Variants in UBE4B observed in about 807,000 individuals in gnomAD.
The protein encoded by UBE4B is ubiquitin conjugation factor E4 B.
UBE4B carries 27 observed loss-of-function variants against 148.1 expected under a neutral mutation model. The observed-to-expected ratio is 0.18, with a 90% confidence interval of 0.13 to 0.25. UBE4B has a LOEUF of 0.25. UBE4B is among the 10% of genes least tolerant of loss of function. The pLI is 1.00. For synonymous variants in UBE4B, 596 were observed against 619.3 expected (o/e 0.96, Z 0.56); for missense variants, 1,170 against 1,662.4 (o/e 0.70, Z 5.15).
intron 3 of UBE4B, among the ~76,000 whole-genome samples, chr1:10,097,051 A>T (rs77208353): frequency 5.4e-5 from 8 of 149,092 alleles, no homozygotes; most frequent in African/African-American, 4.9e-5. Flanking sequence ...AAAAAAAAAA[A>T]AAATAATAAT....
At chr1:10,127,676 T>C (rs1251944385) in intron 11 of UBE4B, among the ~76,000 whole-genome samples, 1 of 152,238 alleles carries the variant, frequency 6.6e-6, no homozygotes, top group Non-Finnish European at 1.5e-5. Flanking sequence ...TATTTATTTC[T>C]TTTACTTATT....
At chr1:10,034,944 C>G (rs569965731) in intron 1 of UBE4B, among the ~76,000 whole-genome samples, 2 of 152,032 alleles carry the variant, frequency 1.3e-5, no homozygotes, top group Non-Finnish European at 2.9e-5. Context: ...TACACAGTTT[C>G]TTTCATTCGG....
At position 10,036,489 on chromosome 1, in the gene UBE4B, T is replaced by C. The variant is rs1167086525; in HGVS notation, c.24+2795T>C. On this transcript the variant is annotated intron_variant, in intron 1 of 27. Transcript: ENST00000343090. ...AGAACAAATAATATTCGTTTGTTTT[T>C]AATTTAAAAAATCTTTTTTTTTTTT... 1.2e-4 allele frequency among the ~76,000 whole-genome samples: 19 copies of C among 152,164 alleles called. No individual in the cohort carries two copies. The South Asian group carries it at 3.5e-3, about 28-fold the overall frequency.
Position 10,144,980 on chromosome 1 carries a change from G to A in UBE4B, c.2404G>A (p.Asp802Asn). ...DLKNNESQWK[D>N]SPLATRHREM... is the part of the protein sequence containing the mutation. ...GAAAAATAATGAAAGCCAATGGAAA[G>A]ATTCCCCACTGGCAACTAGACACCG... is the stretch of plus-strand genomic sequence containing the variant. Residue 802 changes from aspartate (D) to asparagine (N), a missense_variant, in exon 18 of 28, where the codon GAT (aspartate) becomes AAT (asparagine). Asp to Asn is a conservative substitution (Grantham distance 23, BLOSUM62 1). Transcript: ENST00000343090. The A allele has an allele frequency of 6.2e-7, 1 of 1,613,832 alleles. No homozygotes were observed. Among genetic ancestry groups the A allele is most frequent in the East Asian group, 2.2e-5 (1 of 44,866 alleles).
At chr1:10,085,403 C>A (rs1445026168) in intron 2 of UBE4B, among the ~76,000 whole-genome samples, 1 of 152,200 alleles carries the variant, frequency 6.6e-6, no homozygotes, top group Non-Finnish European at 1.5e-5. Context: ...TCCCGAGGCT[C>A]CCTGAATGTG....
At position 10,106,605 on chromosome 1, in the gene UBE4B, T is replaced by C; in HGVS notation, c.1196+22T>C. On this transcript the variant is annotated intron_variant, in intron 7 of 27. Coordinates refer to ENST00000343090, the MANE Select transcript of UBE4B (RefSeq NM_001105562.3). The surrounding 1 kb of genome is among the most constrained non-coding windows in gnomAD (Gnocchi z 4.2). The stretch of plus-strand genomic sequence containing the variant: ...CTAGGTATTTATCCCACAGGAGAGT[T>C]GCATGTGTGTTTGCGGTGCAGGGAA... 5 of 1,510,780 alleles carry C rather than the reference T, an allele frequency of 3.3e-6. No homozygotes were observed. Among genetic ancestry groups the C allele is most frequent in the Non-Finnish European group, 4.4e-6 (5 of 1,137,668 alleles). The allele number at this position is 1,510,780 out of a possible 1,614,324, so 93.6% of individuals were successfully genotyped here. A position where few individuals can be genotyped will look rare whatever the true frequency, so the allele number is the denominator to read the frequency against.
rs770532269 is a variant in UBE4B at position 10,158,491 on chromosome 1, G to T, written c.3053+9G>T. The T allele has an allele frequency of 6.2e-7, 1 of 1,610,512 alleles. No individual in the cohort carries two copies. The highest frequency in any genetic ancestry group is 1.7e-5 in the Admixed American group (1 of 59,140). On this transcript the variant is annotated intron_variant, in intron 22 of 27. Coordinates refer to ENST00000343090, the MANE Select transcript of UBE4B (RefSeq NM_001105562.3). ...TTTATGGAGGAGTTCAAGTGAGTAT[G>T]GGGCCCCTCGTGTCACAACTTGCTT... is the stretch of plus-strand genomic sequence containing the variant.
At chr1:10,144,246 C>A (rs894263108) in intron 17 of UBE4B, among the ~76,000 whole-genome samples, 1 of 152,022 alleles carries the variant, frequency 6.6e-6, no homozygotes, top group African/African-American at 2.4e-5. Context: ...AGGACGATGC[C>A]GTTAGTAAAA....
chr1:10,136,353 C>G (rs1254740528), intron 16 of UBE4B, among the ~76,000 whole-genome samples: 1 of 151,996 alleles, frequency 6.6e-6, no homozygotes, highest in African/African-American at 2.4e-5. Context: ...GCCTGTGTTC[C>G]CAGCCACCCA....
intron 9 of UBE4B, among the ~76,000 whole-genome samples, chr1:10,121,079 A>G (rs1352375997): frequency 1.3e-5 from 2 of 152,138 alleles, no homozygotes; most frequent in African/African-American, 2.4e-5. Context: ...GAAACATATA[A>G]TACGGCCAGG....
intron 19 of UBE4B, among the ~76,000 whole-genome samples, chr1:10,147,669 TAGAAAG>T (rs1645897002): frequency 6.6e-6 from 1 of 152,142 alleles, no homozygotes; most frequent in African/African-American, 2.4e-5. Context: ...CTTTGATTGA[TAGAAAG>T]AGAAATCTAT....
chr1:10,171,021 A>T (rs1646331407), intron 24 of UBE4B, 117 bp from the exon 25 acceptor site: 14 of 1,074,440 alleles, frequency 1.3e-5, no homozygotes, highest in Non-Finnish European at 1.9e-5. Flanking sequence ...CAGCACCTGT[A>T]AGGATTCTTT....
intron 1 of UBE4B, 151 bp from the exon 2 acceptor site, chr1:10,071,877 T>C: frequency 1.3e-6 from 1 of 758,106 alleles, no homozygotes; most frequent in East Asian, 3.3e-5. Context: ...GTAGGAATAC[T>C]GGTAGAGCGA....
chr1:10,129,098 AAT>A (rs1645549505), intron 11 of UBE4B: 1 of 339,174 alleles, frequency 2.9e-6, no homozygotes, highest in African/African-American at 2.0e-5. Context: ...AGTACACAAA[AAT>A]ATATCTGAAA....
rs1414912030 is a variant in UBE4B at position 10,106,428 on chromosome 1, G to T, written c.1041G>T (p.Leu347=). 6.2e-7 allele frequency: 1 copy of T among 1,613,752 alleles called. No individual in the cohort carries two copies. The highest frequency in any genetic ancestry group is 1.7e-4 in the Middle Eastern group (1 of 6,056). Residue 347 remains leucine (L), a synonymous_variant, in exon 7 of 28, where the codon CTG becomes CTT. Transcript: ENST00000343090. This position sits in a 1 kb window ranked among gnomAD's most constrained non-coding sequence, Gnocchi z 4.2. ...HPWASSGVSI[L]SSSPSPPALA... ...GGGCGTCCTCAGGCGTCTCCATTCT[G>T]TCGAGCTCCCCAAGTCCCCCTGCCC...
At chr1:10,046,718 G>A (rs1643920755) in intron 1 of UBE4B, among the ~76,000 whole-genome samples, 1 of 152,106 alleles carries the variant, frequency 6.6e-6, no homozygotes, top group South Asian at 2.1e-4. Flanking sequence ...GATCTGAAGT[G>A]GACATTGGAG....
chr1:10,064,155 G>A (rs549521524), intron 1 of UBE4B, among the ~76,000 whole-genome samples: 226 of 152,138 alleles, frequency 1.5e-3, no homozygotes, highest in Admixed American at 3.8e-3. Flanking sequence ...AATCTCTGCC[G>A]GCGCTCCTTT....
At chr1:10,178,589 G>T (rs960582072) in intron 25 of UBE4B, 55 bp from the exon 26 acceptor site, 1 of 1,504,772 alleles carries the variant, frequency 6.6e-7, no homozygotes, top group Non-Finnish European at 8.9e-7. Context: ...TCTGCAGCTC[G>T]CTTTTTTCCA....
intron 17 of UBE4B, among the ~76,000 whole-genome samples, chr1:10,143,387 T>A (rs1074461): frequency 6.6e-6 from 1 of 151,678 alleles, no homozygotes; most frequent in Admixed American, 6.6e-5. Context: ...GGCAATAGAG[T>A]GAGGCTCAGT....
Sources: allele counts gnomAD v4.1 joint callset (sites outside exome capture counted in the v4.1 genomes callset), GRCh38; gene constraint gnomAD v4.1.1; non-coding constraint Gnocchi (gnomAD v3.1); transcripts MANE v1.5; gene names NCBI Gene and HGNC (gene_info 2026-07-23, HGNC 2026-07-21).